VTI1A: variants seen among roughly 807,000 people sequenced by gnomAD.
VTI1A encodes the protein vesicle transport through interaction with t-SNAREs 1A, also known as vesicle transport through interaction with t-SNAREs homolog 1A.
VTI1A carries 22 observed loss-of-function variants against 34.9 expected under a neutral mutation model. That is an observed-to-expected ratio of 0.63 (90% CI 0.45 to 0.90). VTI1A has a LOEUF of 0.90. VTI1A is among the 40% of genes least tolerant of loss of function. The pLI is 0.00. For missense variants in VTI1A, 268 were observed against 275.6 expected, an observed-to-expected ratio of 0.97 and a Z score of 0.20; for synonymous variants, 87 against 97.3, an observed-to-expected ratio of 0.89 and a Z score of 0.62.
chr10:112,790,090 C>T (rs1455970444), intron 7 of VTI1A, among the ~76,000 whole-genome samples: 1 of 152,136 alleles, frequency 6.6e-6, no homozygotes, highest in Non-Finnish European at 1.5e-5. Context: ...TCTGTCTCCG[C>T]TGCAGTCTAC....
intron 5 of VTI1A, among the ~76,000 whole-genome samples, chr10:112,657,216 A>T (rs2133813782): frequency 6.6e-6 from 1 of 152,344 alleles, no homozygotes; most frequent in East Asian, 1.9e-4. Context: ...TGTTTCTTTC[A>T]GCTCAAATAT....
intron 5 of VTI1A, among the ~76,000 whole-genome samples, chr10:112,581,091 G>T (rs772683787): frequency 6.6e-6 from 1 of 152,134 alleles, no homozygotes. Context: ...AGTGGGCTCC[G>T]CATGCCTTCT....
intron 5 of VTI1A, among the ~76,000 whole-genome samples, chr10:112,545,810 T>C (rs760263954): frequency 6.6e-6 from 1 of 152,154 alleles, no homozygotes. Context: ...TGTCATTTCA[T>C]TGAATCTCGT....
intron 5 of VTI1A, among the ~76,000 whole-genome samples, chr10:112,630,846 G>A (rs912236170): frequency 6.6e-6 from 1 of 152,210 alleles, no homozygotes; most frequent in South Asian, 2.1e-4. Context: ...AGGCAGCCAA[G>A]TGCGGTGGCT....
At chr10:112,531,595 G>GT (rs1734247912) in intron 4 of VTI1A, among the ~76,000 whole-genome samples, 2 of 152,128 alleles carry the variant, frequency 1.3e-5, no homozygotes, top group East Asian at 1.9e-4. Context: ...AAGATAGAAC[G>GT]TTTTTTGTTT....
intron 7 of VTI1A, among the ~76,000 whole-genome samples, chr10:112,800,686 A>T (rs1852847815): frequency 6.6e-6 from 1 of 152,164 alleles, no homozygotes; most frequent in Non-Finnish European, 1.5e-5. Flanking sequence ...CCAATTCCTT[A>T]TATTGGTACT....
chr10:112,615,742 A>G (rs1451421973), intron 5 of VTI1A, among the ~76,000 whole-genome samples: 2 of 152,322 alleles, frequency 1.3e-5, no homozygotes, highest in Admixed American at 6.5e-5. Context: ...AAAGATAAGT[A>G]AGAATTAAGT....
intron 7 of VTI1A, among the ~76,000 whole-genome samples, chr10:112,708,378 G>C (rs7907361): frequency 0.34 from 51,321 of 152,126 alleles, 10,086 homozygotes; most frequent in African/African-American, 0.54. Context: ...TCTGTGTAAA[G>C]AAGTTACATT....
In VTI1A at chr10:112,484,351, ATCTAT is replaced by A. The variant is rs550587830; in HGVS notation, c.264+19700_264+19704del. Among the ~76,000 whole-genome samples, 239 of 152,376 alleles carry A rather than the reference ATCTAT, an allele frequency of 1.6e-3. 1 individual carries two copies. The highest frequency in any genetic ancestry group is 5.1e-3 in the African/African-American group (213 of 41,594). ...TGTGAAACTTTTCACATTGCTTTAA[ATCTAT>A]TCTATATCTAGTTTAGGACAATCAG... On this transcript the variant is annotated intron_variant, in intron 3 of 7. Transcript: ENST00000393077.
intron 7 of VTI1A, among the ~76,000 whole-genome samples, chr10:112,694,081 C>T (rs1337809753): frequency 1.3e-5 from 2 of 152,132 alleles, no homozygotes; most frequent in African/African-American, 4.8e-5. Flanking sequence ...TGGCGCGTGC[C>T]TGTAATCCCA....
intron 5 of VTI1A, among the ~76,000 whole-genome samples, chr10:112,568,545 A>G (rs766074621): frequency 4.6e-5 from 7 of 152,104 alleles, no homozygotes; most frequent in South Asian, 2.1e-4. Context: ...TGCTTTTCAT[A>G]TTAGCAGCTG....
chr10:112,578,526 G>A (rs1447027199), intron 5 of VTI1A, among the ~76,000 whole-genome samples: 2 of 152,152 alleles, frequency 1.3e-5, no homozygotes, highest in Non-Finnish European at 2.9e-5. Flanking sequence ...TGGGATTGAA[G>A]CTTAGGAATG....
intron 5 of VTI1A, among the ~76,000 whole-genome samples, chr10:112,609,032 C>T (rs1239614040): frequency 1.3e-5 from 2 of 152,186 alleles, no homozygotes; most frequent in African/African-American, 4.8e-5. Context: ...AGTTGGAAAT[C>T]GAAATCTATA....
chr10:112,826,035 AG>A, the VTI1A span: 1 of 152,236 alleles, frequency 6.6e-6, no homozygotes, highest in Non-Finnish European at 1.5e-5. Context: ...GAAAGCAAAA[AG>A]CATGTTTTCT....
At chr10:112,832,672 A>C in the VTI1A span, among the ~76,000 whole-genome samples, 1 of 152,232 alleles carries the variant, frequency 6.6e-6, no homozygotes, top group Non-Finnish European at 1.5e-5. Flanking sequence ...TGGCCCCTGC[A>C]TCCAATATGG....
At chr10:112,831,288 C>A in the VTI1A span, 1 of 152,082 alleles carries the variant, frequency 6.6e-6, no homozygotes, top group Non-Finnish European at 1.5e-5. Context: ...ATCCAAAAGC[C>A]TGAGCACTGT....
chr10:112,650,004 T>A (rs1246807666), intron 5 of VTI1A, among the ~76,000 whole-genome samples: 1 of 152,212 alleles, frequency 6.6e-6, no homozygotes, highest in Non-Finnish European at 1.5e-5. Context: ...GTAGACTATA[T>A]AAACACTGGA....
intron 4 of VTI1A, among the ~76,000 whole-genome samples, chr10:112,531,063 TCACACACACA>T (rs10670312): frequency 5.4e-4 from 75 of 139,914 alleles, no homozygotes; most frequent in African/African-American, 1.1e-3. Context: ...GTGACACACC[TCACACACACA>T]CACACACACA....
At chr10:112,463,921 T>C (rs770647076) in intron 2 of VTI1A, among the ~76,000 whole-genome samples, 1 of 152,232 alleles carries the variant, frequency 6.6e-6, no homozygotes, top group Non-Finnish European at 1.5e-5. Flanking sequence ...CCCGGTTGGA[T>C]TGAATGATGG....
Sources: gnomAD v4.1 joint callset for allele counts (sites outside exome capture counted in the v4.1 genomes callset) on GRCh38, gnomAD v4.1.1 for gene constraint, MANE v1.5 for transcripts, NCBI Gene and HGNC (gene_info 2026-07-23, HGNC 2026-07-21) for gene names.